CEP63: variants seen among roughly 807,000 people sequenced by gnomAD.
The protein encoded by CEP63 is centrosomal protein of 63 kDa.
CEP63 carries 84 observed loss-of-function variants against 89.1 expected under a neutral mutation model. The ratio of observed to expected loss-of-function variants is 0.94; its 90% CI spans 0.79 to 1.13. The LOEUF (loss-of-function observed/expected upper bound fraction) is 1.13. CEP63 is among the 50% of genes most tolerant of loss of function. The probability of loss-of-function intolerance (pLI) is 0.00; values close to 1 mark genes in which losing one functional copy is unlikely to be tolerated. For synonymous variants in CEP63, 267 were observed against 272.5 expected, an observed-to-expected ratio of 0.98 and a Z score of 0.20; for missense variants, 838 against 813.3, an observed-to-expected ratio of 1.03 and a Z score of -0.37.
chr3:134,561,884 T>C lies in CEP63; in HGVS notation c.*349T>C, dbSNP rs923190126. Reference sequence around the variant, plus strand: ...TTTATGATACATGTTGAAAATAAAGTAACTGCAGGAACTTTCTTTAGGGGA... The same window carrying C: ...TTTATGATACATGTTGAAAATAAAGCAACTGCAGGAACTTTCTTTAGGGGA... On this transcript the variant is annotated 3_prime_UTR_variant, in exon 15 of 15. Coordinates refer to ENST00000675561, the MANE Select transcript of CEP63 (RefSeq NM_001353108.3). 3.8e-4 allele frequency: 404 copies of C among 1,060,524 alleles called. No individual in the cohort carries two copies. Among genetic ancestry groups the C allele is most frequent in the Non-Finnish European group, 4.5e-4 (393 of 874,978 alleles). The allele number at this position is 1,060,524 out of a possible 1,614,324, so 65.7% of individuals were successfully genotyped here. A position where few individuals can be genotyped will look rare whatever the true frequency, so the allele number is the denominator to read the frequency against.
At chr3:134,586,205 A>G (rs1958481374) in intron 10 of CEP63, among the ~76,000 whole-genome samples, 1 of 152,126 alleles carries the variant, frequency 6.6e-6, no homozygotes, top group Non-Finnish European at 1.5e-5. Flanking sequence ...TAAGGTTAAT[A>G]TTGTTATGTG....
At chr3:134,545,932 A>G (rs1953198959) in intron 7 of CEP63, 113 bp downstream of exon 7, 3 of 869,920 alleles carry the variant, frequency 3.4e-6, no homozygotes, top group African/African-American at 1.7e-5. Flanking sequence ...TACTTTATAA[A>G]TGATGGATCA....
chr3:134,777,516 C>A, the CEP63 span, among the ~76,000 whole-genome samples: 8 of 151,208 alleles, frequency 5.3e-5, no homozygotes, highest in Admixed American at 3.3e-4. Context: ...ATTTAAAACT[C>A]GAGAATTTGC....
At chr3:134,632,592 G>T in the CEP63 span, among the ~76,000 whole-genome samples, 1 of 151,960 alleles carries the variant, frequency 6.6e-6, no homozygotes. Context: ...AAATGTGTGA[G>T]ATGAAGCCAA....
chr3:134,674,287 A>G, the CEP63 span, among the ~76,000 whole-genome samples: 5 of 152,244 alleles, frequency 3.3e-5, no homozygotes, highest in East Asian at 9.6e-4. Context: ...TTGGCTCAAC[A>G]TAAGAAAAGC....
At chr3:134,729,259 T>A in the CEP63 span, among the ~76,000 whole-genome samples, 3 of 152,190 alleles carry the variant, frequency 2.0e-5, no homozygotes, top group Non-Finnish European at 4.4e-5. Flanking sequence ...CCAGGGGTAA[T>A]CCCTTTTATT....
At chr3:134,527,999 G>C (rs1219444883) in intron 3 of CEP63, among the ~76,000 whole-genome samples, 1 of 152,192 alleles carries the variant, frequency 6.6e-6, no homozygotes. Flanking sequence ...CTCCATATCA[G>C]CTGGCTTGCT....
At chr3:134,731,467 AC>A in the CEP63 span, among the ~76,000 whole-genome samples, 1 of 152,156 alleles carries the variant, frequency 6.6e-6, no homozygotes, top group African/African-American at 2.4e-5. Flanking sequence ...TAATTATAAA[AC>A]TCCATACATT....
chr3:134,532,701 T>G (rs1293088420), intron 4 of CEP63, 77 bp from the exon 5 acceptor site: 1 of 1,262,446 alleles, frequency 7.9e-7, no homozygotes, highest in Admixed American at 1.7e-5. Flanking sequence ...TGCTCTTGTT[T>G]TCATAATACC....
the CEP63 span, among the ~76,000 whole-genome samples, chr3:134,777,478 G>T: frequency 1.3e-5 from 2 of 151,894 alleles, no homozygotes; most frequent in Non-Finnish European, 2.9e-5. Flanking sequence ...TCAATTACTG[G>T]ACTTGTCTAA....
At chr3:134,707,335 A>G in the CEP63 span, among the ~76,000 whole-genome samples, 1 of 152,220 alleles carries the variant, frequency 6.6e-6, no homozygotes. Context: ...CCCAGTGCAG[A>G]TAAATAAGGA....
chr3:134,498,799 A>C (rs1036610380), intron 2 of CEP63, among the ~76,000 whole-genome samples: 5 of 152,160 alleles, frequency 3.3e-5, no homozygotes, highest in African/African-American at 9.7e-5. Flanking sequence ...GTATCTGTTG[A>C]GATGATCATA....
At chr3:134,673,568 C>T in the CEP63 span, among the ~76,000 whole-genome samples, 1 of 152,182 alleles carries the variant, frequency 6.6e-6, no homozygotes, top group African/African-American at 2.4e-5. Flanking sequence ...AGAACATGGC[C>T]CGCCCTGAGG....
the CEP63 span, among the ~76,000 whole-genome samples, chr3:134,639,070 G>T: frequency 5.4e-5 from 7 of 128,538 alleles, no homozygotes; most frequent in African/African-American, 8.9e-5. Flanking sequence ...CTACTTTGGA[G>T]TTTTTTTTTT....
At chr3:134,589,798 G>T (rs939944686), downstream of CEP63, among the ~76,000 whole-genome samples, 3 of 152,076 alleles carry the variant, frequency 2.0e-5, no homozygotes, top group African/African-American at 7.2e-5. Context: ...ACATGCATGC[G>T]TATGTTCATT....
At chr3:134,554,740 C>G (rs1027416802) in intron 12 of CEP63, among the ~76,000 whole-genome samples, 8 of 152,176 alleles carry the variant, frequency 5.3e-5, no homozygotes, top group Non-Finnish European at 1.0e-4. Context: ...TCCTCTCCAG[C>G]ACCTGTTGTT....
At chr3:134,614,880 T>C in the CEP63 span, among the ~76,000 whole-genome samples, 1 of 152,136 alleles carries the variant, frequency 6.6e-6, no homozygotes, top group African/African-American at 2.4e-5. Context: ...GCAGTAGACT[T>C]TCCCAAATCT....
the CEP63 span, among the ~76,000 whole-genome samples, chr3:134,645,678 T>G: frequency 6.6e-6 from 1 of 152,228 alleles, no homozygotes; most frequent in East Asian, 1.9e-4. Context: ...TTTTCTGGGC[T>G]CAGGGCCTCT....
chr3:134,578,409 C>A (rs778187750), downstream of CEP63, among the ~76,000 whole-genome samples: 7 of 149,458 alleles, frequency 4.7e-5, no homozygotes, highest in Non-Finnish European at 8.9e-5. Context: ...CACCTCACTG[C>A]AACCTCTGCC....
Sources: gnomAD v4.1 joint callset for allele counts (sites outside exome capture counted in the v4.1 genomes callset) on GRCh38, gnomAD v4.1.1 for gene constraint, MANE v1.5 for transcripts, NCBI Gene and HGNC (gene_info 2026-07-23, HGNC 2026-07-21) for gene names.